MAPK9: variants seen among roughly 807,000 people sequenced by gnomAD.
MAPK9 encodes the protein Jun kinase.
In MAPK9, 30 loss-of-function variants were observed where a neutral mutation model predicts 57.1. The ratio of observed to expected loss-of-function variants is 0.53; its 90% CI spans 0.39 to 0.71. The LOEUF (loss-of-function observed/expected upper bound fraction) is 0.71. MAPK9 is among the 30% of genes least tolerant of loss of function. The pLI is 0.00. For synonymous variants in MAPK9, 155 were observed against 177.0 expected (o/e 0.88, Z 0.99); for missense variants, 362 against 521.0 (o/e 0.69, Z 2.97).
At chr5:180,277,134 T>C (rs1761893450) in intron 2 of MAPK9, among the ~76,000 whole-genome samples, 1 of 152,252 alleles carries the variant, frequency 6.6e-6, no homozygotes. Context: ...GTTGCTGTTA[T>C]ATTTCTCAAA....
Position 180,240,129 on chromosome 5 carries a change from T to C in MAPK9, c.997-142A>G, listed in dbSNP as rs550942079. 15 of 638,172 alleles carry C rather than the reference T, an allele frequency of 2.4e-5. No homozygotes were observed. The African/African-American group carries it at 2.8e-4, about 12-fold the overall frequency. 39.5% of individuals were successfully genotyped at this position (638,172 alleles called of 1,614,324 possible). ...ATTCAACACGTGGTTTAATAAAGAT[T>C]TGTCATGTGATATTATATCAACTTT... On this transcript the variant is annotated intron_variant, in intron 9 of 11. Coordinates refer to ENST00000452135, the MANE Select transcript of MAPK9 (RefSeq NM_002752.5).
At chr5:180,249,203 C>T (rs2127582944) in intron 5 of MAPK9, 65 bp from the exon 6 acceptor site, 8 of 1,438,958 alleles carry the variant, frequency 5.6e-6, no homozygotes, top group East Asian at 2.4e-5. Context: ...ACTTCACATC[C>T]GTGAGGGTCG....
At chr5:180,256,699 G>C (rs577965370) in intron 5 of MAPK9, among the ~76,000 whole-genome samples, 80 of 152,236 alleles carry the variant, frequency 5.3e-4, no homozygotes, top group African/African-American at 1.7e-3. Flanking sequence ...ACACTCCTTT[G>C]GGCCCCATCT....
At chr5:180,278,887 C>T (rs1047604829) in intron 2 of MAPK9, among the ~76,000 whole-genome samples, 2 of 151,476 alleles carry the variant, frequency 1.3e-5, no homozygotes, top group Non-Finnish European at 2.9e-5. Context: ...CAAAAGAATG[C>T]TTTGTTGTTT....
At chr5:180,265,678 G>C (rs1343798933) in intron 3 of MAPK9, among the ~76,000 whole-genome samples, 1 of 152,156 alleles carries the variant, frequency 6.6e-6, no homozygotes, top group Non-Finnish European at 1.5e-5. Flanking sequence ...TGGCAGTGCG[G>C]GAACGAACCA....
intron 2 of MAPK9, among the ~76,000 whole-genome samples, chr5:180,278,958 T>TA (rs1456385371): frequency 7.7e-6 from 1 of 129,878 alleles, no homozygotes; most frequent in East Asian, 2.0e-4. Flanking sequence ...ACTTTAAAAC[T>TA]TTTTTTTTTT....
chr5:180,285,070 T>C (rs139343939), intron 1 of MAPK9, among the ~76,000 whole-genome samples: 38 of 152,326 alleles, frequency 2.5e-4, no homozygotes, highest in Admixed American at 5.9e-4. Flanking sequence ...AGCTGCAGAA[T>C]GATCATTTGA....
intron 5 of MAPK9, among the ~76,000 whole-genome samples, chr5:180,260,594 C>A (rs928865399): frequency 6.6e-6 from 1 of 152,126 alleles, no homozygotes; most frequent in Non-Finnish European, 1.5e-5. Context: ...TCTGTAGATA[C>A]CCTTTAAGCA....
intron 1 of MAPK9, among the ~76,000 whole-genome samples, chr5:180,288,457 G>T (rs1762960282): frequency 6.6e-6 from 1 of 152,220 alleles, no homozygotes; most frequent in South Asian, 2.1e-4. Flanking sequence ...CTAGTTATTT[G>T]ATGATATTAA....
intron 1 of MAPK9, among the ~76,000 whole-genome samples, chr5:180,284,230 C>T (rs957160699): frequency 6.6e-6 from 1 of 152,198 alleles, no homozygotes; most frequent in African/African-American, 2.4e-5. Flanking sequence ...ATTAGCAATA[C>T]ACTAAAGCCT....
At chr5:180,281,346 A>T (rs1762299782) in intron 1 of MAPK9, among the ~76,000 whole-genome samples, 1 of 152,258 alleles carries the variant, frequency 6.6e-6, no homozygotes, top group Non-Finnish European at 1.5e-5. Flanking sequence ...GTAGGCCAGC[A>T]GGCCCAGAAA....
At chr5:180,278,573 G>A (rs753016449) in intron 2 of MAPK9, among the ~76,000 whole-genome samples, 30 of 152,234 alleles carry the variant, frequency 2.0e-4, no homozygotes, top group South Asian at 6.2e-4. Flanking sequence ...GGTGGCGTGC[G>A]CCTGTAGTCC....
chr5:180,248,411 G>A (rs1367998534), intron 6 of MAPK9, among the ~76,000 whole-genome samples: 2 of 152,222 alleles, frequency 1.3e-5, no homozygotes, highest in African/African-American at 2.4e-5. Flanking sequence ...TTAAAAATAA[G>A]TAAGCGTGAT....
At chr5:180,258,735 T>C (rs949231719) in intron 5 of MAPK9, among the ~76,000 whole-genome samples, 2 of 151,736 alleles carry the variant, frequency 1.3e-5, no homozygotes, top group African/African-American at 4.8e-5. Flanking sequence ...CTTATGAATA[T>C]AAAAAATGTG....
chr5:180,235,556 G>A lies in MAPK9; in HGVS notation c.*828C>T, dbSNP rs1382860781. The A allele has an allele frequency of 6.6e-6, 1 of 152,212 alleles. No homozygotes were observed. Among genetic ancestry groups the A allele is most frequent in the Non-Finnish European group, 1.5e-5 (1 of 68,038 alleles). The allele number at this position is 152,212 out of a possible 1,614,324, so 9.4% of individuals were successfully genotyped here. ...TTACGCACCTAATAAAGAAGGTGAA[G>A]TTCTAGGTAGCATTTTAAATTCATA... On this transcript the variant is annotated 3_prime_UTR_variant, in exon 12 of 12. Coordinates refer to ENST00000452135, the MANE Select transcript of MAPK9 (RefSeq NM_002752.5).
rs751947871 is a variant in MAPK9, at chr5:180,249,054, T to C, written c.535A>G (p.Asn179Asp). 1 of 1,614,042 alleles carries C rather than the reference T, an allele frequency of 6.2e-7. No homozygotes were observed. The highest frequency in any genetic ancestry group is 8.5e-7 in the Non-Finnish European group (1 of 1,179,950). Residue 179 changes from asparagine to aspartate, a missense_variant, in exon 6 of 12, where the codon AAC becomes GAC. By Grantham distance (23) the Asn-to-Asp change is conservative. Transcript: ENST00000452135. Reference protein sequence around the residue: ...DFGLARTACTNFMMTPYVVTR... With the variant: ...DFGLARTACTDFMMTPYVVTR... The stretch of plus-strand genomic sequence containing the variant: ...ACCACGTAAGGGGTCATCATGAAGT[T>C]AGTGCACGCTGTCCGGGCCAGGCCA...
At position 180,242,648 on chromosome 5, in the gene MAPK9, A is replaced by G. The variant is rs1757761174; in HGVS notation, c.796T>C (p.Tyr266His). 1 of 1,614,158 alleles carries G rather than the reference A, an allele frequency of 6.2e-7. No homozygotes were observed. The highest frequency in any genetic ancestry group is 1.3e-5 in the African/African-American group (1 of 75,066). The part of the protein sequence containing the change: ...VRNYVENRPK[Y>H]PGIKFEELFP... ...AGTTCTTCAAATTTGATTCCAGGAT[A>G]CTTTGGTCTGTTTTCGACATAATTC... The change falls in exon 8 of 12, where the codon TAT (tyrosine) becomes CAT (histidine). Residue 266 changes from tyrosine to histidine, a missense_variant. Tyr to His is a moderately conservative substitution (Grantham distance 83). Around this residue, in one of 3 missense-constraint regions of MAPK9, gnomAD observed 199 missense variants for 251.3 expected, o/e 0.79. Coordinates refer to ENST00000452135, the MANE Select transcript of MAPK9 (RefSeq NM_002752.5).
intron 5 of MAPK9, among the ~76,000 whole-genome samples, chr5:180,253,963 C>CTTT (rs5873681): frequency 0.37 from 39,958 of 109,172 alleles, 8,084 homozygotes; most frequent in East Asian, 0.65. Flanking sequence ...GCTTCAATCT[C>CTTT]TTTTTTTTTT....
chr5:180,268,917 AT>A (rs1369408294), intron 3 of MAPK9, among the ~76,000 whole-genome samples: 3 of 151,990 alleles, frequency 2.0e-5, no homozygotes, highest in Non-Finnish European at 4.4e-5. Flanking sequence ...AGGCAGGTGG[AT>A]CATGGGGCCA....
Sources: gnomAD v4.1 joint callset for allele counts (sites outside exome capture counted in the v4.1 genomes callset) on GRCh38, gnomAD v4.1.1 for gene constraint, gnomAD v4.1.1 regional missense constraint, MANE v1.5 for transcripts, NCBI Gene and HGNC (gene_info 2026-07-23, HGNC 2026-07-21) for gene names.